MOB3B: variants seen among roughly 807,000 people sequenced by gnomAD.
MOB3B encodes the protein MOB kinase activator 3B.
A neutral mutation model predicts 18.7 loss-of-function variants in MOB3B; 7 were observed. That is an observed-to-expected ratio of 0.37 (90% CI 0.21 to 0.70). The LOEUF is 0.70. Among genes scored for constraint, MOB3B ranks in the 30% least tolerant of loss-of-function variants. The probability of loss-of-function intolerance (pLI) is 0.52; values close to 1 mark genes in which losing one functional copy is unlikely to be tolerated. For missense variants in MOB3B, 253 were observed against 281.3 expected, an observed-to-expected ratio of 0.90 and a Z score of 0.72; for synonymous variants, 111 against 99.9, an observed-to-expected ratio of 1.11 and a Z score of -0.66.
At chr9:27,480,156 C>CA (rs1819625476) in intron 1 of MOB3B, among the ~76,000 whole-genome samples, 1 of 148,616 alleles carries the variant, frequency 6.7e-6, no homozygotes, top group Admixed American at 6.7e-5. Flanking sequence ...GAATGCATAA[C>CA]TTTTTTTTTT....
intron 2 of MOB3B, among the ~76,000 whole-genome samples, chr9:27,443,338 G>A (rs1371579166): frequency 6.6e-6 from 1 of 152,108 alleles, no homozygotes; most frequent in African/African-American, 2.4e-5. Context: ...CTCACTCTGG[G>A]ACTGTAGTCC....
rs141653368 is a variant in MOB3B, at chr9:27,464,783, C to T, written c.-198-9035G>A. Among the ~76,000 whole-genome samples the T allele has an allele frequency of 9.5e-3, 1,440 of 151,996 alleles. 24 individuals are homozygous for T. Among genetic ancestry groups the T allele is most frequent in the African/African-American group, 0.032 (1,328 of 41,420 alleles). On this transcript the variant is annotated intron_variant, in intron 1 of 3. Coordinates refer to ENST00000262244, the MANE Select transcript of MOB3B (RefSeq NM_024761.5). ...GAAGACACTTCTTACATGGCAGCAG[C>T]AAGAGAAAAATGAGGAAGAAGCAAA...
At chr9:27,404,347 CTTTTTTTTTTTTTTTTTTT>C in intron 2 of MOB3B, among the ~76,000 whole-genome samples, 1 of 75,174 alleles carries the variant, frequency 1.3e-5, no homozygotes, top group East Asian at 5.3e-4. Flanking sequence ...TTCTTTCTTT[CTTTTTTTTTTTTTTTTTTT>C]TTTTTTTTGA....
chr9:27,474,258 C>G (rs1161947034), intron 1 of MOB3B, among the ~76,000 whole-genome samples: 1 of 152,072 alleles, frequency 6.6e-6, no homozygotes, highest in African/African-American at 2.4e-5. Context: ...ATCTAGTAAA[C>G]ACAAATGGGT....
chr9:27,529,485 G>A (rs916948457), intron 1 of MOB3B, 70 bp downstream of exon 1: 2 of 945,940 alleles, frequency 2.1e-6, no homozygotes, highest in Non-Finnish European at 2.5e-6. Context: ...CCGCCCGCCC[G>A]GGCGAGATCG....
At chr9:27,349,814 GC>G (rs1821080406) in intron 3 of MOB3B, among the ~76,000 whole-genome samples, 1 of 152,188 alleles carries the variant, frequency 6.6e-6, no homozygotes, top group Admixed American at 6.5e-5. Context: ...AAGTGGCTTA[GC>G]AAAGAGAAGC....
chr9:27,523,353 C>T (rs1204961489), intron 1 of MOB3B, among the ~76,000 whole-genome samples: 1 of 151,616 alleles, frequency 6.6e-6, no homozygotes, highest in Non-Finnish European at 1.5e-5. Context: ...CCTCAGTGCA[C>T]AACAAACACA....
At position 27,399,815 on chromosome 9, in the gene MOB3B, C is replaced by A. The variant is rs140250372; in HGVS notation, c.419-40579G>T. On this transcript the variant is annotated intron_variant, in intron 2 of 3. Transcript: ENST00000262244. ...AATTTAATATGTCCCCAAATGAGAT[C>A]GTATCTTCCTACACGTGCCTAATCC... Among the ~76,000 whole-genome samples the A allele has an allele frequency of 2.1e-4, 32 of 152,274 alleles. 1 individual carries two copies. The East Asian group carries it at 3.9e-3, about 18-fold the overall frequency.
At chr9:27,396,198 A>G (rs554141741) in intron 2 of MOB3B, among the ~76,000 whole-genome samples, 4 of 152,306 alleles carry the variant, frequency 2.6e-5, no homozygotes, top group Admixed American at 1.3e-4. Context: ...TTTTGCTTCA[A>G]ACAGATGTAT....
intron 1 of MOB3B, among the ~76,000 whole-genome samples, chr9:27,504,834 T>C (rs1820035721): frequency 6.6e-6 from 1 of 152,194 alleles, no homozygotes; most frequent in Non-Finnish European, 1.5e-5. Flanking sequence ...GAGTCTAAAA[T>C]GGGTGGCAAG....
At chr9:27,425,511 C>T (rs1451478150) in intron 2 of MOB3B, among the ~76,000 whole-genome samples, 1 of 152,178 alleles carries the variant, frequency 6.6e-6, no homozygotes, top group Non-Finnish European at 1.5e-5. Flanking sequence ...ACACCCCCAG[C>T]AGAGCCTGGG....
intron 2 of MOB3B, among the ~76,000 whole-genome samples, chr9:27,447,155 C>T (rs896959836): frequency 6.6e-6 from 1 of 152,122 alleles, no homozygotes; most frequent in African/African-American, 2.4e-5. Flanking sequence ...AATAATTTGG[C>T]CTTCTGGCAA....
At chr9:27,368,246 C>T (rs1430600044) in intron 2 of MOB3B, among the ~76,000 whole-genome samples, 1 of 151,808 alleles carries the variant, frequency 6.6e-6, no homozygotes, top group African/African-American at 2.4e-5. Flanking sequence ...AATATATATC[C>T]TCCTCCTCTT....
intron 1 of MOB3B, among the ~76,000 whole-genome samples, chr9:27,498,095 G>A (rs964406691): frequency 4.9e-4 from 74 of 152,042 alleles, no homozygotes; most frequent in Non-Finnish European, 1.8e-4. Context: ...GTCACTTCCC[G>A]GCTGCCCACC....
At chr9:27,517,877 T>A (rs812857) in intron 1 of MOB3B, among the ~76,000 whole-genome samples, 136 of 152,066 alleles carry the variant, frequency 8.9e-4, no homozygotes, top group African/African-American at 3.1e-3. Context: ...TGGGAAAAAG[T>A]CTAGCATCTC....
chr9:27,518,234 C>A (rs1587274125), intron 1 of MOB3B, among the ~76,000 whole-genome samples: 1 of 151,734 alleles, frequency 6.6e-6, no homozygotes. Flanking sequence ...AATGTTTACC[C>A]AAGACAAGAG....
At chr9:27,486,140 G>A (rs961548584) in intron 1 of MOB3B, among the ~76,000 whole-genome samples, 3 of 152,154 alleles carry the variant, frequency 2.0e-5, no homozygotes. Flanking sequence ...CAGGACAACG[G>A]GCAAGAGCTA....
intron 2 of MOB3B, among the ~76,000 whole-genome samples, chr9:27,450,460 A>T (rs985557466): frequency 3.9e-5 from 6 of 152,320 alleles, no homozygotes; most frequent in Admixed American, 3.3e-4. Flanking sequence ...GAATATTTAC[A>T]GTACCTGGAC....
intron 1 of MOB3B, among the ~76,000 whole-genome samples, chr9:27,487,781 T>G (rs1483855669): frequency 3.9e-5 from 6 of 152,190 alleles, no homozygotes; most frequent in Non-Finnish European, 5.9e-5. Context: ...TTCATGTACA[T>G]CTTTCTCACC....
Sources: gnomAD v4.1 joint callset for allele counts (sites outside exome capture counted in the v4.1 genomes callset) on GRCh38, gnomAD v4.1.1 for gene constraint, MANE v1.5 for transcripts, NCBI Gene and HGNC (gene_info 2026-07-23, HGNC 2026-07-21) for gene names.